Variants in IWS1 observed in about 807,000 individuals in gnomAD.
IWS1 encodes protein IWS1 homolog.
IWS1 carries 27 observed loss-of-function variants against 86.7 expected under a neutral mutation model. The ratio of observed to expected loss-of-function variants is 0.31; its 90% CI spans 0.23 to 0.43. IWS1 has a LOEUF of 0.43. Ranked by LOEUF, IWS1 falls within the 20% of genes least tolerant of loss-of-function variation. The pLI is 1.00. For missense variants in IWS1, 827 were observed against 1,000.8 expected, an observed-to-expected ratio of 0.83 and a Z score of 2.34; for synonymous variants, 313 against 335.1, an observed-to-expected ratio of 0.93 and a Z score of 0.72.
At chr2:127,518,498 T>C (rs1461628305) in intron 2 of IWS1, among the ~76,000 whole-genome samples, 3 of 151,348 alleles carry the variant, frequency 2.0e-5, no homozygotes, top group Non-Finnish European at 4.4e-5. Context: ...CGGGCGACAG[T>C]GTAAGATTCT....
intron 1 of IWS1, among the ~76,000 whole-genome samples, chr2:127,524,645 T>G (rs1192170582): frequency 6.6e-6 from 1 of 150,934 alleles, no homozygotes; most frequent in Non-Finnish European, 1.5e-5. Flanking sequence ...GTTCAACAAG[T>G]GATTCTCCTG....
At chr2:127,522,824 G>C (rs774384690) in intron 2 of IWS1, among the ~76,000 whole-genome samples, 7 of 152,170 alleles carry the variant, frequency 4.6e-5, no homozygotes, top group Non-Finnish European at 7.4e-5. Context: ...AAATAAAGCA[G>C]TTCTGAAATA....
At chr2:127,495,894 G>A (rs1690485203) in intron 7 of IWS1, 104 bp downstream of exon 7, 1 of 1,024,736 alleles carries the variant, frequency 9.8e-7, no homozygotes, top group Non-Finnish European at 1.4e-6. Flanking sequence ...ATTACAAAAA[G>A]CAAAGCATCT....
intron 2 of IWS1, among the ~76,000 whole-genome samples, chr2:127,509,779 C>T (rs1270429019): frequency 1.3e-5 from 2 of 149,914 alleles, no homozygotes; most frequent in Non-Finnish European, 3.0e-5. Flanking sequence ...ATTCACACTG[C>T]AGTTATAAAT....
At chr2:127,526,985 C>A (rs189232220), upstream of IWS1, 202 of 237,744 alleles carry the variant, frequency 8.5e-4, no homozygotes, top group African/African-American at 4.4e-3. Flanking sequence ...GATTTAATTT[C>A]CTTGTTAAGA....
chr2:127,523,822 T>C (rs770189751), intron 1 of IWS1, 31 bp from the exon 2 acceptor site: 9 of 1,430,358 alleles, frequency 6.3e-6, no homozygotes, highest in African/African-American at 2.8e-5. Context: ...AACCAACTTA[T>C]GGTGTAAGAT....
intron 2 of IWS1, among the ~76,000 whole-genome samples, chr2:127,513,227 T>G (rs555479725): frequency 6.6e-6 from 1 of 152,028 alleles, no homozygotes; most frequent in East Asian, 1.9e-4. Context: ...GGTGACAGAG[T>G]GAGACTGTGT....
At chr2:127,483,129 G>A (rs2105015993) in intron 13 of IWS1, among the ~76,000 whole-genome samples, 1 of 151,720 alleles carries the variant, frequency 6.6e-6, no homozygotes, top group South Asian at 2.1e-4. Flanking sequence ...AAGTTGTGGT[G>A]GGATTACAGA....
chr2:127,515,552 G>A (rs962241714), intron 2 of IWS1, among the ~76,000 whole-genome samples: 1 of 152,188 alleles, frequency 6.6e-6, no homozygotes, highest in African/African-American at 2.4e-5. Flanking sequence ...TGGGGAATAT[G>A]CAAAAGCCTG....
At position 127,505,458 on chromosome 2, in the gene IWS1, C is replaced by T. The variant is rs755456030; in HGVS notation, c.445G>A (p.Glu149Lys). The change falls in exon 3 of 14, where the codon GAA (glutamate) becomes AAA (lysine). Residue 149 changes from glutamate (E) to lysine (K), a missense_variant. Transcript: ENST00000295321. The surrounding 1 kb of genome is among the most constrained non-coding windows in gnomAD (Gnocchi z 5.0). ...LNGHASDSENEDVGKHPASDS... is the reference protein window; with the variant it reads ...LNGHASDSENKDVGKHPASDS... ...CTGGCGGGATGCTTCCCAACATCTT[C>T]GTTTTCTGAGTCACTTGCATGCCCA... 5.6e-6 allele frequency: 9 copies of T among 1,614,148 alleles called. No homozygotes were observed. In the East Asian group the frequency reaches 6.7e-5, roughly 12 times the overall value.
At chr2:127,524,957 C>A (rs937488401) in intron 1 of IWS1, among the ~76,000 whole-genome samples, 3 of 151,868 alleles carry the variant, frequency 2.0e-5, no homozygotes, top group South Asian at 2.1e-4. Flanking sequence ...GGTGCAACTT[C>A]CGCTCACTGC....
chr2:127,491,899 GC>G, intron 10 of IWS1, 71 bp downstream of exon 10: 1 of 902,660 alleles, frequency 1.1e-6, no homozygotes, highest in Non-Finnish European at 1.8e-6. Flanking sequence ...TAAAAATACA[GC>G]TTTTATATAT....
At chr2:127,486,761 A>C in intron 12 of IWS1, 97 bp from the exon 13 acceptor site, 1 of 934,848 alleles carries the variant, frequency 1.1e-6, no homozygotes, top group South Asian at 1.4e-5. Context: ...CCACCCATTA[A>C]GCTGCAATGT....
rs1337933361 is a variant in IWS1, at chr2:127,496,547, T to TCACACACACA, written c.1566-400_1566-399insTGTGTGTGTG. 1.6e-4 allele frequency among the ~76,000 whole-genome samples: 8 copies of TCACACACACA among 49,406 alleles called. No homozygotes were observed. The East Asian group carries it at 3.5e-3, about 21-fold the overall frequency. 32.4% of individuals were successfully genotyped at this position (49,406 alleles called of 152,430 possible). On this transcript the variant is annotated intron_variant, in intron 6 of 13. Transcript: ENST00000295321. ...CTCTAAACAGGTGTACCATATTTTA[T>TCACACACACA]CATACACACACACACACACACACAC... is the stretch of plus-strand genomic sequence containing the variant.
At chr2:127,509,890 A>ACATT (rs1424645296) in intron 2 of IWS1, among the ~76,000 whole-genome samples, 1 of 152,178 alleles carries the variant, frequency 6.6e-6, no homozygotes, top group East Asian at 1.9e-4. Context: ...GAGATAACTG[A>ACATT]CATTCTTAAA....
Position 127,481,827 on chromosome 2 carries a change from GCA to G in IWS1, c.2329-654_2329-653del, listed in dbSNP as rs79912126. 7.3e-3 allele frequency among the ~76,000 whole-genome samples: 1,116 copies of G among 152,236 alleles called. 11 individuals carry two copies. The highest frequency in any genetic ancestry group is 0.012 in the Non-Finnish European group (838 of 68,010). ...TGTCAGATCCAAGCACAGAGGCTGA[GCA>G]CATATAGTCAGTGCTCAAAATAATA... On this transcript the variant is annotated intron_variant, in intron 13 of 13. Transcript: ENST00000295321.
At position 127,502,725 on chromosome 2, in the gene IWS1, C is replaced by G; in HGVS notation, c.1467+90G>C. On this transcript the variant is annotated intron_variant, in intron 5 of 13. Transcript: ENST00000295321. The stretch of plus-strand genomic sequence containing the variant: ...AATACATCATAATTGTTTATTCCTA[C>G]TTATTAGAATCATCTATAATGGTAT... 6 of 641,384 alleles carry G rather than the reference C, an allele frequency of 9.4e-6. No individual in the cohort carries two copies. The South Asian group carries it at 9.8e-5, about 10-fold the overall frequency. The allele number at this position is 641,384 out of a possible 1,614,324, so 39.7% of individuals were successfully genotyped here.
intron 2 of IWS1, among the ~76,000 whole-genome samples, chr2:127,510,598 T>C (rs1178457488): frequency 6.6e-6 from 1 of 151,974 alleles, no homozygotes; most frequent in Non-Finnish European, 1.5e-5. Context: ...GCCCAAGAGA[T>C]CATCCTGCCT....
chr2:127,492,372 C>T (rs1027691610), intron 9 of IWS1, among the ~76,000 whole-genome samples: 1 of 151,838 alleles, frequency 6.6e-6, no homozygotes, highest in Non-Finnish European at 1.5e-5. Flanking sequence ...TGTGGTGAAA[C>T]CCATCTCTAC....
Sources: gnomAD v4.1 joint callset for allele counts (sites outside exome capture counted in the v4.1 genomes callset) on GRCh38, gnomAD v4.1.1 for gene constraint, Gnocchi (gnomAD v3.1) non-coding constraint, MANE v1.5 for transcripts, NCBI Gene and HGNC (gene_info 2026-07-23, HGNC 2026-07-21) for gene names.